The following BNIP1 variants were observed in gnomAD, a reference collection of about 807,000 sequenced individuals.
BNIP1 encodes vesicle transport protein SEC20.
A neutral mutation model predicts 28.5 loss-of-function variants in BNIP1; 25 were observed. The observed-to-expected ratio is 0.88, with a 90% CI of 0.64 to 1.23. BNIP1 has a LOEUF of 1.23. BNIP1 is among the 50% of genes most tolerant of loss of function. BNIP1 has a pLI of 0.00. For missense variants in BNIP1, 276 were observed against 277.0 expected, an observed-to-expected ratio of 1.00 and a Z score of 0.02; for synonymous variants, 118 against 101.7, an observed-to-expected ratio of 1.16 and a Z score of -0.96.
intron 3 of BNIP1, among the ~76,000 whole-genome samples, chr5:173,155,730 A>G (rs539756653): frequency 6.6e-6 from 1 of 152,178 alleles, no homozygotes; most frequent in Admixed American, 6.5e-5. Context: ...TTAAAAAATT[A>G]AAAAATTTTG....
At chr5:173,159,498 T>A (rs1481664156) in intron 4 of BNIP1, among the ~76,000 whole-genome samples, 1 of 151,668 alleles carries the variant, frequency 6.6e-6, no homozygotes, top group African/African-American at 2.4e-5. Flanking sequence ...AAAAAGCTTT[T>A]TAAGCCTAAT....
At chr5:173,159,888 G>T (rs1760310448) in intron 4 of BNIP1, 45 bp from the exon 5 acceptor site, 1 of 1,550,378 alleles carries the variant, frequency 6.5e-7, no homozygotes, top group Non-Finnish European at 8.9e-7. Flanking sequence ...TTGCAGGGAG[G>T]CTTTTGTTGA....
chr5:173,159,814 A>G (rs1404284345), intron 4 of BNIP1, 119 bp from the exon 5 acceptor site: 2 of 868,440 alleles, frequency 2.3e-6, no homozygotes, highest in Non-Finnish European at 3.7e-6. Context: ...GAATGTGATC[A>G]TTTAAAATAT....
In BNIP1 at chr5:173,163,625, T is replaced by A. The variant is rs1561600983; in HGVS notation, c.491-100T>A. 6 of 1,130,826 alleles carry A rather than the reference T, an allele frequency of 5.3e-6. No homozygotes were observed. The African/African-American group carries it at 9.4e-5, about 18-fold the overall frequency. The allele number at this position is 1,130,826 out of a possible 1,614,324, so 70.0% of individuals were successfully genotyped here. On this transcript the variant is annotated intron_variant, in intron 5 of 5. Coordinates refer to ENST00000351486, the MANE Select transcript of BNIP1 (RefSeq NM_001205.3). ...TGATTCCAGCTCAGAGGAACTCACTTGAGAATGCTGGTTTTTATCAGCACC... is the reference window on the plus strand; with the variant it reads ...TGATTCCAGCTCAGAGGAACTCACTAGAGAATGCTGGTTTTTATCAGCACC...
chr5:173,145,399 CTTGT>C (rs751655754), intron 1 of BNIP1, among the ~76,000 whole-genome samples: 1 of 152,068 alleles, frequency 6.6e-6, no homozygotes, highest in Non-Finnish European at 1.5e-5. Context: ...CTTGTTTTTG[CTTGT>C]TTGTTTTTGT....
chr5:173,160,123 C>A, intron 5 of BNIP1, 72 bp downstream of exon 5: 2 of 1,364,092 alleles, frequency 1.5e-6, no homozygotes, highest in East Asian at 2.3e-5. Context: ...GGCACCTCCA[C>A]TCTGGGCTCC....
At chr5:173,154,101 C>G (rs191872015) in intron 2 of BNIP1, among the ~76,000 whole-genome samples, 127 of 152,270 alleles carry the variant, frequency 8.3e-4, no homozygotes, top group Middle Eastern at 6.8e-3. Flanking sequence ...AGCTCTTGTT[C>G]CCTTCCCACT....
intron 5 of BNIP1, chr5:173,161,073 G>T (rs1389101864): frequency 6.7e-6 from 2 of 299,652 alleles, no homozygotes; most frequent in Non-Finnish European, 1.3e-5. Context: ...CATTACCCCA[G>T]CCAGTCTCGT....
At chr5:173,159,874 C>T (rs1760310181) in intron 4 of BNIP1, 59 bp from the exon 5 acceptor site, 2 of 1,433,032 alleles carry the variant, frequency 1.4e-6, no homozygotes, top group Admixed American at 1.8e-5. Flanking sequence ...GATGTGGGGC[C>T]TTCTTGCAGG....
chr5:173,148,075 AAAAAAAAAATATATATATATAT>A lies in BNIP1; in HGVS notation c.177+1119_177+1140del, dbSNP rs1759894198. 4.1e-5 allele frequency among the ~76,000 whole-genome samples: 2 copies of A among 48,792 alleles called. 1 individual carries two copies. Among genetic ancestry groups the A allele is most frequent in the Non-Finnish European group, 7.1e-5 (2 of 28,012 alleles). 32.0% of individuals were successfully genotyped at this position (48,792 alleles called of 152,430 possible). On this transcript the variant is annotated intron_variant, in intron 2 of 5. Coordinates refer to ENST00000351486, the MANE Select transcript of BNIP1 (RefSeq NM_001205.3). ...AAGACTCTGTGTCAAAAAAAAAAAA[AAAAAAAAAATATATATATATAT>A]ATATATATATATATATATATATATA...
At chr5:173,156,559 G>T (rs547713324) in intron 3 of BNIP1, among the ~76,000 whole-genome samples, 1 of 152,028 alleles carries the variant, frequency 6.6e-6, no homozygotes, top group African/African-American at 2.4e-5. Context: ...CAGGAGGGCA[G>T]TGGGCTCGGG....
intron 5 of BNIP1, 90 bp from the exon 6 acceptor site, chr5:173,163,634 TG>T (rs1343642894): frequency 1.6e-6 from 2 of 1,225,712 alleles, no homozygotes; most frequent in East Asian, 4.8e-5. Context: ...TTGAGAATGC[TG>T]GTTTTTATCA....
At chr5:173,156,816 T>C (rs1760208065) in intron 3 of BNIP1, among the ~76,000 whole-genome samples, 1 of 151,768 alleles carries the variant, frequency 6.6e-6, no homozygotes, top group Non-Finnish European at 1.5e-5. Context: ...GCCTGGCTCA[T>C]TTTTTATATT....
intron 5 of BNIP1, chr5:173,160,745 G>A (rs1760339094): frequency 2.2e-6 from 1 of 451,970 alleles, no homozygotes; most frequent in Admixed American, 2.4e-5. Context: ...TCCAAGAGAT[G>A]TTTGGCGAAT....
At chr5:173,163,243 C>G (rs192449439) in intron 5 of BNIP1, among the ~76,000 whole-genome samples, 1 of 152,192 alleles carries the variant, frequency 6.6e-6, no homozygotes, top group African/African-American at 2.4e-5. Context: ...CGGCAGAGCC[C>G]GGGACACCCT....
chr5:173,163,746 T>C lies in BNIP1; in HGVS notation c.512T>C (p.Leu171Pro). The C allele has an allele frequency of 6.2e-7, 1 of 1,609,150 alleles. No individual in the cohort carries two copies. The highest frequency in any genetic ancestry group is 8.5e-7 in the Non-Finnish European group (1 of 1,177,460). ...TCAGTCACTTCTTCACGAACGATCC[T>C]GGATGCAAATGAAGAATTTAAGTCC... ...QSLVTSSRTILDANEEFKSMS... is the reference protein window; with the variant it reads ...QSLVTSSRTIPDANEEFKSMS... The change falls in exon 6 of 6, where the codon CTG becomes CCG. Residue 171 changes from leucine (L) to proline (P), a missense_variant. Coordinates refer to ENST00000351486, the MANE Select transcript of BNIP1 (RefSeq NM_001205.3).
intron 2 of BNIP1, among the ~76,000 whole-genome samples, chr5:173,152,815 A>T (rs1760059876): frequency 6.6e-6 from 1 of 152,328 alleles, no homozygotes; most frequent in Middle Eastern, 3.4e-3. Context: ...TGCTATTGAA[A>T]TGGTGGATAC....
At chr5:173,146,798 C>T in intron 1 of BNIP1, 68 bp from the exon 2 acceptor site, 1 of 1,208,272 alleles carries the variant, frequency 8.3e-7, no homozygotes, top group South Asian at 1.2e-5. Flanking sequence ...AACTCTATCA[C>T]TGTATGGATG....
intron 2 of BNIP1, 92 bp from the exon 3 acceptor site, chr5:173,154,230 C>T: frequency 2.7e-6 from 3 of 1,105,626 alleles, no homozygotes; most frequent in Non-Finnish European, 4.0e-6. Flanking sequence ...GCTTCAAGTG[C>T]TATTGTATGC....
Sources: gnomAD v4.1 joint callset for allele counts (sites outside exome capture counted in the v4.1 genomes callset) on GRCh38, gnomAD v4.1.1 for gene constraint, MANE v1.5 for transcripts, NCBI Gene and HGNC (gene_info 2026-07-23, HGNC 2026-07-21) for gene names.